ZNF280D: variants seen among roughly 807,000 people sequenced by gnomAD.
The protein encoded by ZNF280D is zinc finger protein 280D, also known as suppressor of hairy wing homolog 4.
In ZNF280D, 39 loss-of-function variants were observed where a neutral mutation model predicts 94.7. The ratio of observed to expected loss-of-function variants is 0.41; its 90% CI spans 0.32 to 0.54. The LOEUF is 0.54. ZNF280D is among the 20% of genes least tolerant of loss of function. The pLI is 0.22. For synonymous variants in ZNF280D, 398 were observed against 377.6 expected (o/e 1.05, Z -0.63); for missense variants, 1,090 against 1,149.3 (o/e 0.95, Z 0.75).
chr15:56,720,978 G>GGA (rs1263034418), intron 1 of ZNF280D, among the ~76,000 whole-genome samples: 2 of 112,572 alleles, frequency 1.8e-5, no homozygotes, highest in Non-Finnish European at 3.7e-5. Flanking sequence ...TTTGGGGGGG[G>GGA]GGGGGACAGA....
intron 1 of ZNF280D, among the ~76,000 whole-genome samples, chr15:56,709,366 C>G (rs1416008619): frequency 6.7e-6 from 1 of 149,058 alleles, no homozygotes; most frequent in Non-Finnish European, 1.5e-5. Flanking sequence ...ACAACAGATG[C>G]TAGAGAGGAT....
intron 15 of ZNF280D, 46 bp downstream of exon 15, chr15:56,666,633 T>C (rs1437344404): frequency 3.8e-5 from 58 of 1,519,794 alleles, no homozygotes; most frequent in Non-Finnish European, 4.8e-5. Context: ...TATAAGTTTT[T>C]ATACTTAAGT....
chr15:56,698,720 G>T (rs2056889935), intron 6 of ZNF280D: 1 of 152,140 alleles, frequency 6.6e-6, no homozygotes, highest in Non-Finnish European at 1.5e-5. Context: ...GACTGTAAGG[G>T]CATCTTGCTA....
intron 15 of ZNF280D, 23 bp from the exon 16 acceptor site, chr15:56,666,558 G>T (rs2054301086): frequency 6.4e-7 from 1 of 1,557,894 alleles, no homozygotes. Flanking sequence ...TTAAAAAAAT[G>T]ATAAAAATAT....
intron 9 of ZNF280D, among the ~76,000 whole-genome samples, chr15:56,686,092 C>T (rs1381503161): frequency 1.3e-5 from 2 of 152,064 alleles, no homozygotes; most frequent in African/African-American, 4.8e-5. Context: ...CCATTAAAAC[C>T]AAGAAAAGGA....
At chr15:56,667,658 A>T (rs1441489394) in intron 14 of ZNF280D, among the ~76,000 whole-genome samples, 1 of 152,114 alleles carries the variant, frequency 6.6e-6, no homozygotes, top group Non-Finnish European at 1.5e-5. Context: ...ATTTGACTAT[A>T]CCCTCCTCCG....
At chr15:56,710,873 T>C (rs915299563) in intron 1 of ZNF280D, among the ~76,000 whole-genome samples, 1 of 151,950 alleles carries the variant, frequency 6.6e-6, no homozygotes, top group Admixed American at 6.6e-5. Context: ...AGAAAAAAAT[T>C]AAGCAATTTC....
intron 1 of ZNF280D, among the ~76,000 whole-genome samples, chr15:56,725,395 A>C (rs1328603500): frequency 1.3e-5 from 2 of 152,224 alleles, no homozygotes; most frequent in Non-Finnish European, 2.9e-5. Flanking sequence ...GATGATAATA[A>C]TGAAAGCAGC....
At chr15:56,727,196 G>A (rs894601173) in intron 1 of ZNF280D, among the ~76,000 whole-genome samples, 17 of 150,428 alleles carry the variant, frequency 1.1e-4, no homozygotes, top group Admixed American at 2.7e-4. Context: ...CTGGCTGGGC[G>A]TGGTGGCTCA....
chr15:56,722,062 A>G (rs1391481351), intron 1 of ZNF280D, among the ~76,000 whole-genome samples: 2 of 152,190 alleles, frequency 1.3e-5, no homozygotes, highest in African/African-American at 2.4e-5. Context: ...CAATATTGCT[A>G]TGTCTCAGGG....
intron 3 of ZNF280D, among the ~76,000 whole-genome samples, 165 bp from the exon 4 acceptor site, chr15:56,704,432 G>A (rs1175356961): frequency 1.3e-5 from 2 of 152,144 alleles, no homozygotes; most frequent in African/African-American, 4.8e-5. Context: ...GAAATACAGA[G>A]CTTACTATCT....
chr15:56,653,395 A>G, intron 19 of ZNF280D: 2 of 1,331,416 alleles, frequency 1.5e-6, no homozygotes, highest in Non-Finnish European at 1.9e-6. Context: ...GCCAAACAAC[A>G]TCAGCCTTAT....
intron 19 of ZNF280D, among the ~76,000 whole-genome samples, chr15:56,644,028 G>A (rs1400782177): frequency 2.0e-5 from 3 of 151,844 alleles, no homozygotes; most frequent in African/African-American, 4.8e-5. Flanking sequence ...AAAAATTAGG[G>A]CTATAAATGT....
At chr15:56,710,928 G>A (rs187840403) in intron 1 of ZNF280D, among the ~76,000 whole-genome samples, 23 of 151,950 alleles carry the variant, frequency 1.5e-4, no homozygotes, top group African/African-American at 3.4e-4. Flanking sequence ...AAAGAATATC[G>A]CACTAGAAAC....
Position 56,704,275 on chromosome 15 carries a change from T to C in ZNF280D, c.29-8A>G, listed in dbSNP as rs2057267571. On this transcript the variant is annotated splice_polypyrimidine_tract_variant and splice_region_variant and intron_variant, in intron 3 of 21. Transcript: ENST00000267807. ...CTGCCATTTTTGAATTACCTAATTT[T>C]CAAAAGGAGAGAAGTAAACCTCATT... is the stretch of plus-strand genomic sequence containing the variant. 2 of 1,601,298 alleles carry C rather than the reference T, an allele frequency of 1.2e-6. No individual in the cohort carries two copies. The highest frequency in any genetic ancestry group is 2.7e-5 in the African/African-American group (2 of 74,062).
intron 16 of ZNF280D, among the ~76,000 whole-genome samples, chr15:56,660,552 A>T (rs2053863998): frequency 6.6e-6 from 1 of 152,080 alleles, no homozygotes; most frequent in African/African-American, 2.4e-5. Context: ...GCTCACACAT[A>T]AAAAGGAAAA....
Position 56,676,764 on chromosome 15 carries a change from G to A in ZNF280D, c.1316C>T (p.Thr439Ile). The change falls in exon 13 of 22, where the codon ACA (threonine) becomes ATA (isoleucine). Residue 439 changes from threonine (T) to isoleucine (I), a missense_variant. This residue lies in a region of ZNF280D where 127 missense variants were observed against 208.6 expected (regional missense o/e 0.61). Transcript: ENST00000267807. ...CAAGTTCTTAGTGTTTTCATGGGAT[G>A]TTCTAAAATGAGTTTCTACATCAGA... is the stretch of plus-strand genomic sequence containing the variant. ...SFSDVETHFR[T>I]SHENTKNLLC... The A allele has an allele frequency of 1.9e-6, 3 of 1,608,770 alleles. No homozygotes were observed. The highest frequency in any genetic ancestry group is 1.1e-5 in the South Asian group (1 of 90,052).
intron 19 of ZNF280D, among the ~76,000 whole-genome samples, chr15:56,643,320 A>C (rs1437231169): frequency 6.6e-6 from 1 of 151,842 alleles, no homozygotes; most frequent in African/African-American, 2.4e-5. Context: ...AACAGTTTCA[A>C]AACAAGAATT....
intron 16 of ZNF280D, among the ~76,000 whole-genome samples, chr15:56,664,402 T>C (rs1417248042): frequency 1.3e-5 from 2 of 152,000 alleles, no homozygotes; most frequent in Admixed American, 1.3e-4. Context: ...AGGAACCATA[T>C]AGAGAGAAAG....
Sources: allele counts gnomAD v4.1 joint callset (sites outside exome capture counted in the v4.1 genomes callset), GRCh38; gene constraint gnomAD v4.1.1; regional missense constraint gnomAD v4.1.1; transcripts MANE v1.5; gene names NCBI Gene and HGNC (gene_info 2026-07-23, HGNC 2026-07-21).